The following CAPRIN1 variants were observed in gnomAD, a reference collection of about 807,000 sequenced individuals.
The protein encoded by CAPRIN1 is caprin-1.
Under a neutral mutation model 100.9 loss-of-function variants are expected in CAPRIN1, and 29 were observed. The ratio of observed to expected loss-of-function variants is 0.29; its 90% CI spans 0.21 to 0.39. CAPRIN1 has a LOEUF of 0.39. Ranked by LOEUF, CAPRIN1 falls within the 10% of genes least tolerant of loss-of-function variation. The probability of loss-of-function intolerance (pLI) is 1.00; values close to 1 mark genes in which losing one functional copy is unlikely to be tolerated. For synonymous variants in CAPRIN1, 338 were observed against 307.5 expected, an observed-to-expected ratio of 1.10 and a Z score of -1.04; for missense variants, 795 against 876.7, an observed-to-expected ratio of 0.91 and a Z score of 1.18.
At chr11:34,076,735 A>ATTTT in intron 6 of CAPRIN1, 93 bp downstream of exon 6, 5 of 774,936 alleles carry the variant, frequency 6.5e-6, no homozygotes, top group Non-Finnish European at 1.0e-5. Context: ...GAAAAAAATT[A>ATTTT]GTTTTTTTTT....
intron 4 of CAPRIN1, 83 bp downstream of exon 4, chr11:34,072,070 T>C: frequency 1.2e-6 from 1 of 846,498 alleles, no homozygotes; most frequent in South Asian, 1.6e-5. Flanking sequence ...ATTGATAAGC[T>C]CTCTGCAAGG....
intron 2 of CAPRIN1, among the ~76,000 whole-genome samples, chr11:34,060,943 A>C (rs938240972): frequency 1.3e-5 from 2 of 152,188 alleles, no homozygotes; most frequent in African/African-American, 4.8e-5. Context: ...CAAATCTAGA[A>C]GCTTTAGACT....
intron 11 of CAPRIN1, among the ~76,000 whole-genome samples, chr11:34,087,672 G>A (rs1399421765): frequency 1.3e-5 from 2 of 152,172 alleles, no homozygotes; most frequent in African/African-American, 2.4e-5. Flanking sequence ...CAGATCAAAG[G>A]TGACACCTAC....
Position 34,090,215 on chromosome 11 carries a change from G to C in CAPRIN1, c.1330G>C (p.Ala444Pro). The C allele has an allele frequency of 1.2e-6, 2 of 1,613,708 alleles. No individual in the cohort carries two copies. The highest frequency in any genetic ancestry group is 1.7e-6 in the Non-Finnish European group (2 of 1,179,708). Residue 444 changes from alanine (A) to proline (P), a missense_variant, in exon 13 of 19, where the codon GCA (alanine) becomes CCA (proline). This residue lies in a region of CAPRIN1 where 648 missense variants were observed against 697.9 expected (regional missense o/e 0.93). Transcript: ENST00000341394. The stretch of plus-strand genomic sequence containing the variant: ...ATCATCCACAAGTGAGGGGTACACA[G>C]CATCTCAACCCTTGTACCAGCCTTC... ...LVSSTSEGYTASQPLYQPSHA... is the reference protein window; with the variant it reads ...LVSSTSEGYTPSQPLYQPSHA...
At chr11:34,062,906 TCTGA>T (rs555871119) in intron 2 of CAPRIN1, 64 of 152,308 alleles carry the variant, frequency 4.2e-4, no homozygotes, top group African/African-American at 1.4e-3. Context: ...TAATCTTCCT[TCTGA>T]CTATTTAAAA....
chr11:34,073,394 C>T lies in CAPRIN1; in HGVS notation c.366+1407C>T, dbSNP rs140508208. On this transcript the variant is annotated intron_variant, in intron 4 of 18. Coordinates refer to ENST00000341394, the MANE Select transcript of CAPRIN1 (RefSeq NM_005898.5). ...GTAAAGTGGTAATAATAACCTCATA[C>T]GGTTGTGCTTAGAACAGTATTTGAT... is the stretch of plus-strand genomic sequence containing the variant. Among the ~76,000 whole-genome samples the T allele has an allele frequency of 2.1e-3, 317 of 152,286 alleles. 1 individual carries two copies. The highest frequency in any genetic ancestry group is 3.6e-3 in the Non-Finnish European group (242 of 68,026).
intron 14 of CAPRIN1, among the ~76,000 whole-genome samples, chr11:34,091,390 G>A (rs963253988): frequency 5.3e-5 from 8 of 152,138 alleles, no homozygotes; most frequent in African/African-American, 1.9e-4. Context: ...GGGTTCAAGC[G>A]ATTCTCATGC....
chr11:34,052,890 G>C (rs1483700355), intron 2 of CAPRIN1: 4 of 1,358,278 alleles, frequency 2.9e-6, no homozygotes, highest in African/African-American at 3.0e-5. Context: ...TTACTCTTCC[G>C]CTGTGGGTCC....
intron 15 of CAPRIN1, 62 bp from the exon 16 acceptor site, chr11:34,096,417 C>T (rs1001102417): frequency 1.3e-5 from 16 of 1,226,424 alleles, no homozygotes; most frequent in Admixed American, 7.3e-5. Context: ...CTAGAAAGTG[C>T]GTGGGAGAAC....
At chr11:34,080,389 C>G (rs758849177) in intron 7 of CAPRIN1, among the ~76,000 whole-genome samples, 4 of 152,122 alleles carry the variant, frequency 2.6e-5, no homozygotes, top group African/African-American at 9.7e-5. Context: ...CCAGCTGTTA[C>G]AAGGATTTTC....
At chr11:34,094,007 T>C (rs1400013686) in intron 15 of CAPRIN1, among the ~76,000 whole-genome samples, 2 of 152,160 alleles carry the variant, frequency 1.3e-5, no homozygotes, top group African/African-American at 4.8e-5. Context: ...AATTGAGAAG[T>C]AGAAACTATA....
intron 4 of CAPRIN1, among the ~76,000 whole-genome samples, chr11:34,075,168 C>T (rs956087408): frequency 6.6e-6 from 1 of 151,986 alleles, no homozygotes; most frequent in Non-Finnish European, 1.5e-5. Flanking sequence ...TTATTCTGCA[C>T]ACTCTGTTAC....
rs113592484 is a variant in CAPRIN1 at position 34,082,622 on chromosome 11, A to G, written c.827-203A>G. ...AGCATCCCCCCAACCAGAGTGGTAC[A>G]TTTGTTAACAATGGATAAACCCAAA... On this transcript the variant is annotated intron_variant, in intron 7 of 18. Coordinates refer to ENST00000341394, the MANE Select transcript of CAPRIN1 (RefSeq NM_005898.5). Among the ~76,000 whole-genome samples, 933 of 152,318 alleles carry G rather than the reference A, an allele frequency of 6.1e-3. 14 individuals are homozygous for G. The highest frequency in any genetic ancestry group is 0.021 in the African/African-American group (888 of 41,578).
At chr11:34,084,673 A>G (rs1851103850) in intron 9 of CAPRIN1, among the ~76,000 whole-genome samples, 1 of 152,154 alleles carries the variant, frequency 6.6e-6, no homozygotes, top group Non-Finnish European at 1.5e-5. Context: ...TGTCAGCTGT[A>G]TATATGAGGT....
At chr11:34,097,159 A>T (rs756306713) in intron 16 of CAPRIN1, 37 bp from the exon 17 acceptor site, 5 of 1,424,720 alleles carry the variant, frequency 3.5e-6, no homozygotes, top group South Asian at 1.2e-5. Context: ...CCTTGTGAAG[A>T]TAAGAAAATT....
chr11:34,079,904 A>AGTTTTTTGTTTTTTGTTTT (rs1565091690), intron 7 of CAPRIN1, 139 bp downstream of exon 7: 1 of 496,410 alleles, frequency 2.0e-6, no homozygotes, highest in African/African-American at 2.3e-5. Flanking sequence ...AGCATGACAA[A>AGTTTTTTGTTTTTTGTTTT]GTTTTTTTTT....
rs144187140 is a variant in CAPRIN1, at chr11:34,069,699, G to A, written c.217-2027G>A. On this transcript the variant is annotated intron_variant, in intron 2 of 18. Coordinates refer to ENST00000341394, the MANE Select transcript of CAPRIN1 (RefSeq NM_005898.5). ...ATCAGTAGACTGAAATTTTATACCT[G>A]TTTATTTGGAGGCTTATAGATGGTG... Among the ~76,000 whole-genome samples the A allele has an allele frequency of 6.1e-3, 927 of 151,822 alleles. 14 individuals are homozygous for A. The highest frequency in any genetic ancestry group is 0.021 in the African/African-American group (882 of 41,428).
Position 34,088,757 on chromosome 11 carries a change from G to A in CAPRIN1, c.1232-638G>A, listed in dbSNP as rs540240787. Among the ~76,000 whole-genome samples the A allele has an allele frequency of 9.2e-5, 14 of 152,240 alleles. No homozygotes were observed. The South Asian group carries it at 2.9e-3, about 32-fold the overall frequency. On this transcript the variant is annotated intron_variant, in intron 11 of 18. Coordinates refer to ENST00000341394, the MANE Select transcript of CAPRIN1 (RefSeq NM_005898.5). ...GCCACTTTATTGTACAGCTTTAAAAGTCTTTTTTCATGGCACTGATTATTT... is the reference window on the plus strand; with the variant it reads ...GCCACTTTATTGTACAGCTTTAAAAATCTTTTTTCATGGCACTGATTATTT...
chr11:34,059,879 C>CT lies in CAPRIN1; in HGVS notation c.216+7264dup, dbSNP rs570241213. Among the ~76,000 whole-genome samples, 611 of 109,804 alleles carry CT rather than the reference C, an allele frequency of 5.6e-3. 14 individuals are homozygous for CT. Among genetic ancestry groups the CT allele is most frequent in the South Asian group, 0.052 (169 of 3,236 alleles). 72.0% of individuals were successfully genotyped at this position (109,804 alleles called of 152,430 possible). On this transcript the variant is annotated intron_variant, in intron 2 of 18. Transcript: ENST00000341394. ...TGATGAGTAGGCAAGTAGAAGAATA[C>CT]TTTTTTTTTTTTTTTTTTTTTAAGC...
Sources: allele counts gnomAD v4.1 joint callset (sites outside exome capture counted in the v4.1 genomes callset), GRCh38; gene constraint gnomAD v4.1.1; regional missense constraint gnomAD v4.1.1; transcripts MANE v1.5; gene names NCBI Gene and HGNC (gene_info 2026-07-23, HGNC 2026-07-21).